Variants in NEBL observed in about 807,000 individuals in gnomAD.
NEBL encodes the protein nebulette.
NEBL carries 122 observed loss-of-function variants against 140.2 expected under a neutral mutation model. That is an observed-to-expected ratio of 0.87 (90% confidence interval 0.75 to 1.01). The LOEUF is 1.01. NEBL is among the 50% of genes least tolerant of loss of function. NEBL has a pLI of 0.00. For missense variants in NEBL, 1,365 were observed against 1,231.3 expected, an observed-to-expected ratio of 1.11 and a Z score of -1.62; for synonymous variants, 436 against 398.9, an observed-to-expected ratio of 1.09 and a Z score of -1.11.
At chr10:21,091,057 C>T (rs143305827) in intron 2 of NEBL, among the ~76,000 whole-genome samples, 4 of 151,492 alleles carry the variant, frequency 2.6e-5, no homozygotes, top group African/African-American at 9.7e-5. Flanking sequence ...CCAAGGTCAA[C>T]TCCACCTCCT....
intron 2 of NEBL, among the ~76,000 whole-genome samples, chr10:21,121,942 G>A (rs956725478): frequency 2.0e-5 from 3 of 152,172 alleles, no homozygotes; most frequent in Non-Finnish European, 4.4e-5. Flanking sequence ...TATTAAGGAA[G>A]TTAACAGGTA....
chr10:20,979,655 T>C (rs1836952546), intron 3 of NEBL, among the ~76,000 whole-genome samples: 1 of 152,202 alleles, frequency 6.6e-6, no homozygotes, highest in African/African-American at 2.4e-5. Flanking sequence ...GTGATGTAGA[T>C]ATACATAATG....
At chr10:21,059,772 G>A (rs1438691391) in intron 2 of NEBL, among the ~76,000 whole-genome samples, 1 of 152,128 alleles carries the variant, frequency 6.6e-6, no homozygotes, top group Non-Finnish European at 1.5e-5. Flanking sequence ...AAGAAAGTGT[G>A]GCCATTTTGT....
In NEBL at chr10:20,895,127, A is replaced by G. The variant is rs1163150420; in HGVS notation, c.153+1831T>C. The stretch of plus-strand genomic sequence containing the variant: ...CCACCCCTCACAACATGTTGGTTTT[A>G]AAGTCACTGATAGACAATCTTATCC... On this transcript the variant is annotated intron_variant, in intron 2 of 27. Transcript: ENST00000377122. Among the ~76,000 whole-genome samples the G allele has an allele frequency of 2.0e-5, 3 of 152,086 alleles. No homozygotes were observed. In the East Asian group the frequency reaches 5.8e-4, roughly 29 times the overall value.
chr10:20,959,006 C>A (rs1835932589), intron 4 of NEBL, among the ~76,000 whole-genome samples: 1 of 152,066 alleles, frequency 6.6e-6, no homozygotes, highest in Non-Finnish European at 1.5e-5. Flanking sequence ...CATAAGCAAT[C>A]AAAAATTCCC....
intron 26 of NEBL, among the ~76,000 whole-genome samples, chr10:20,799,804 T>G (rs911262408): frequency 1.3e-5 from 2 of 152,156 alleles, no homozygotes; most frequent in African/African-American, 2.4e-5. Flanking sequence ...AGGAGTGTAT[T>G]TTCTTCTTCT....
At chr10:20,901,183 C>G (rs988052298), upstream of NEBL, among the ~76,000 whole-genome samples, 1 of 152,130 alleles carries the variant, frequency 6.6e-6, no homozygotes, top group Non-Finnish European at 1.5e-5. Context: ...CAAGAAGGGC[C>G]TTCTGCAACT....
At chr10:21,159,115 C>T (rs1840449239) in intron 2 of NEBL, among the ~76,000 whole-genome samples, 1 of 152,144 alleles carries the variant, frequency 6.6e-6, no homozygotes, top group Non-Finnish European at 1.5e-5. Context: ...TTCCTCCACC[C>T]TTTTTTTAAA....
At chr10:20,798,265 A>G (rs897659977) in intron 26 of NEBL, among the ~76,000 whole-genome samples, 6 of 152,148 alleles carry the variant, frequency 3.9e-5, no homozygotes, top group South Asian at 2.1e-4. Context: ...AAATTCATAC[A>G]CTATTTCCCC....
chr10:20,905,053 A>T (rs1173197238), intron 4 of NEBL, among the ~76,000 whole-genome samples: 1 of 152,226 alleles, frequency 6.6e-6, no homozygotes, highest in African/African-American at 2.4e-5. Flanking sequence ...TCACACATTA[A>T]AATGGGGAAA....
At chr10:21,105,023 G>T (rs1309381309) in intron 2 of NEBL, among the ~76,000 whole-genome samples, 1 of 152,040 alleles carries the variant, frequency 6.6e-6, no homozygotes, top group African/African-American at 2.4e-5. Flanking sequence ...GGAAAACATT[G>T]ATTGATCTTT....
At chr10:21,230,079 T>C (rs990029965) in intron 3 of NEBL, among the ~76,000 whole-genome samples, 28 of 152,338 alleles carry the variant, frequency 1.8e-4, no homozygotes, top group Admixed American at 1.6e-3. Context: ...CTGTGGTGTT[T>C]TCAGATGCAA....
At chr10:21,210,496 T>C (rs1219036262) in intron 3 of NEBL, among the ~76,000 whole-genome samples, 5 of 152,218 alleles carry the variant, frequency 3.3e-5, no homozygotes, top group African/African-American at 1.2e-4. Flanking sequence ...TATACAAATA[T>C]GCAGAAAGAA....
At chr10:21,064,142 G>T (rs1224621624) in intron 2 of NEBL, among the ~76,000 whole-genome samples, 1 of 152,152 alleles carries the variant, frequency 6.6e-6, no homozygotes, top group Non-Finnish European at 1.5e-5. Flanking sequence ...TGCTGTGTCT[G>T]TTGTTTAAAT....
intron 26 of NEBL, among the ~76,000 whole-genome samples, chr10:20,802,849 TAGAAAGAAA>T (rs1251109277): frequency 2.1e-4 from 32 of 152,024 alleles, no homozygotes; most frequent in Non-Finnish European, 8.8e-5. Flanking sequence ...TTCTTACACA[TAGAAAGAAA>T]AGAAAGAAAA....
intron 3 of NEBL, among the ~76,000 whole-genome samples, chr10:21,002,543 C>T (rs186847758): frequency 7.9e-5 from 12 of 152,166 alleles, no homozygotes; most frequent in South Asian, 2.1e-4. Context: ...AGAACTGAGA[C>T]GGGGTAATTT....
intron 3 of NEBL, among the ~76,000 whole-genome samples, chr10:21,240,106 C>A (rs1005327771): frequency 6.6e-6 from 1 of 152,038 alleles, no homozygotes; most frequent in African/African-American, 2.4e-5. Flanking sequence ...TGTAAACTAG[C>A]CTAACAACCT....
intron 4 of NEBL, among the ~76,000 whole-genome samples, chr10:20,939,483 C>T (rs1342406679): frequency 6.6e-6 from 1 of 152,102 alleles, no homozygotes; most frequent in Non-Finnish European, 1.5e-5. Flanking sequence ...CAAAAACATG[C>T]CAAATTGTAA....
chr10:21,135,051 G>C (rs1489739860), intron 2 of NEBL, among the ~76,000 whole-genome samples: 1 of 152,132 alleles, frequency 6.6e-6, no homozygotes, highest in East Asian at 1.9e-4. Flanking sequence ...CCAGGTTCCA[G>C]TACACTCTTT....
Sources: gnomAD v4.1 joint callset for allele counts (sites outside exome capture counted in the v4.1 genomes callset) on GRCh38, gnomAD v4.1.1 for gene constraint, MANE v1.5 for transcripts, NCBI Gene and HGNC (gene_info 2026-07-23, HGNC 2026-07-21) for gene names.